NTM: variants seen among roughly 807,000 people sequenced by gnomAD.
NTM encodes IgLON family member 2.
A neutral mutation model predicts 42.1 loss-of-function variants in NTM; 13 were observed. The observed-to-expected ratio is 0.31, with a 90% CI of 0.20 to 0.49. The LOEUF (loss-of-function observed/expected upper bound fraction) is 0.49, where lower values mean the gene tolerates loss of function less well. Among genes scored for constraint, NTM ranks in the 20% least tolerant of loss-of-function variants. The pLI, the probability that NTM is intolerant of heterozygous loss-of-function variation, is 0.99. For missense variants in NTM, 373 were observed against 452.8 expected (o/e 0.82, Z 1.60); for synonymous variants, 187 against 179.2 (o/e 1.04, Z -0.35).
chr11:131,959,203 C>G (rs768117584), intron 2 of NTM, among the ~76,000 whole-genome samples: 1 of 152,132 alleles, frequency 6.6e-6, no homozygotes, highest in Non-Finnish European at 1.5e-5. Flanking sequence ...ATGGGCTGCC[C>G]GCAGATTTGC....
At chr11:131,956,627 A>T (rs2061587219) in intron 2 of NTM, among the ~76,000 whole-genome samples, 1 of 152,020 alleles carries the variant, frequency 6.6e-6, no homozygotes, top group African/African-American at 2.4e-5. Context: ...GAGCTGAGCC[A>T]CAGTGGAGCG....
intron 1 of NTM, among the ~76,000 whole-genome samples, chr11:131,880,985 C>T (rs1193617703): frequency 6.6e-6 from 1 of 152,138 alleles, no homozygotes; most frequent in Non-Finnish European, 1.5e-5. Context: ...CCAGTGGTAA[C>T]CATTACTGCT....
chr11:131,457,697 G>T (rs967222310), intron 1 of NTM, among the ~76,000 whole-genome samples: 1 of 151,866 alleles, frequency 6.6e-6, no homozygotes, highest in Non-Finnish European at 1.5e-5. Flanking sequence ...AATCATATGT[G>T]CAATGCACTA....
intron 4 of NTM, among the ~76,000 whole-genome samples, chr11:132,286,156 C>T (rs1387647532): frequency 6.6e-6 from 1 of 152,076 alleles, no homozygotes; most frequent in African/African-American, 2.4e-5. Context: ...AGAATGCATC[C>T]ATATATTTAA....
intron 2 of NTM, among the ~76,000 whole-genome samples, chr11:132,063,419 C>G (rs1177907993): frequency 1.3e-5 from 2 of 152,042 alleles, no homozygotes; most frequent in Non-Finnish European, 2.9e-5. Context: ...ATGGGAAGGC[C>G]CTGAAAAATC....
intron 1 of NTM, among the ~76,000 whole-genome samples, chr11:131,425,203 T>C (rs943424655): frequency 1.1e-4 from 16 of 152,168 alleles, no homozygotes; most frequent in African/African-American, 3.6e-4. Context: ...TTTAATGTGA[T>C]ATTTGATACC....
chr11:132,143,897 C>A (rs563531117), intron 2 of NTM, among the ~76,000 whole-genome samples: 28 of 152,230 alleles, frequency 1.8e-4, no homozygotes, highest in African/African-American at 5.5e-4. Context: ...GAGAGGTGCA[C>A]CCTCTATCGA....
At chr11:131,753,391 G>T (rs942355302) in intron 1 of NTM, among the ~76,000 whole-genome samples, 7 of 141,994 alleles carry the variant, frequency 4.9e-5, no homozygotes, top group East Asian at 1.9e-4. Flanking sequence ...CCATTACTGG[G>T]TATATAACCA....
intron 1 of NTM, among the ~76,000 whole-genome samples, chr11:131,490,851 C>T (rs1954699847): frequency 6.6e-6 from 1 of 152,166 alleles, no homozygotes; most frequent in African/African-American, 2.4e-5. Flanking sequence ...AGTTGGGATG[C>T]CTTGAGTTTG....
At chr11:131,509,655 G>A (rs1008762082) in intron 1 of NTM, among the ~76,000 whole-genome samples, 1 of 152,172 alleles carries the variant, frequency 6.6e-6, no homozygotes, top group Admixed American at 6.5e-5. Flanking sequence ...AAAAATCTAA[G>A]TGATTTCTTA....
chr11:132,031,865 ATCT>A (rs1750623569), intron 2 of NTM, among the ~76,000 whole-genome samples: 1 of 152,100 alleles, frequency 6.6e-6, no homozygotes, highest in African/African-American at 2.4e-5. Context: ...AAGTCTTTAA[ATCT>A]TCTTGTTCTC....
chr11:131,911,229 G>A (rs1228505818), intron 1 of NTM: 2 of 1,394,200 alleles, frequency 1.4e-6, no homozygotes, highest in Admixed American at 3.0e-5. Flanking sequence ...CGGAAGCAGC[G>A]AGGAGGGAGC....
intron 1 of NTM, among the ~76,000 whole-genome samples, chr11:131,648,554 G>A (rs1316304689): frequency 6.6e-6 from 1 of 152,078 alleles, no homozygotes; most frequent in Admixed American, 6.6e-5. Context: ...GAATGAGATG[G>A]TATCTCATTG....
intron 2 of NTM, among the ~76,000 whole-genome samples, chr11:132,061,320 T>C (rs1265361042): frequency 6.6e-6 from 1 of 152,234 alleles, no homozygotes; most frequent in Non-Finnish European, 1.5e-5. Context: ...CATCTAAATG[T>C]CTTTATCAAC....
Position 131,789,630 on chromosome 11 carries a change from A to G in NTM, c.83-121934A>G, listed in dbSNP as rs866880594. On this transcript the variant is annotated intron_variant, in intron 1 of 8. Transcript: ENST00000683400. ...AAGAAGAAGAAGAAGAAGAAGAAGA[A>G]GAAGAAAAGAAGAAGAAGAAGAAGA... 8.0e-5 allele frequency among the ~76,000 whole-genome samples: 7 copies of G among 86,982 alleles called. 2 individuals carry two copies. The highest frequency in any genetic ancestry group is 3.4e-4 in the African/African-American group (7 of 20,722). 57.1% of individuals were successfully genotyped at this position (86,982 alleles called of 152,430 possible).
chr11:131,679,412 C>T lies in NTM; in HGVS notation c.83-232152C>T, dbSNP rs548615976. Among the ~76,000 whole-genome samples, 12 of 152,184 alleles carry T rather than the reference C, an allele frequency of 7.9e-5. No individual in the cohort carries two copies. The South Asian group carries it at 1.0e-3, about 13-fold the overall frequency. ...TGCCTGCCAATCCCAATCATTTTTACGGCCTTTAGAAGGTACTGGGTTGAG... is the reference window on the plus strand; with the variant it reads ...TGCCTGCCAATCCCAATCATTTTTATGGCCTTTAGAAGGTACTGGGTTGAG... On this transcript the variant is annotated intron_variant, in intron 1 of 8. Transcript: ENST00000683400.
At chr11:132,287,359 G>A (rs556052215) in intron 4 of NTM, among the ~76,000 whole-genome samples, 64 of 152,272 alleles carry the variant, frequency 4.2e-4, no homozygotes, top group African/African-American at 1.4e-3. Context: ...TCAGGACCCG[G>A]ATGTTCTGTC....
rs544034681 is a variant in NTM, at chr11:131,702,811, C to T, written c.83-208753C>T. On this transcript the variant is annotated intron_variant, in intron 1 of 8. Coordinates refer to ENST00000683400, the MANE Select transcript of NTM (RefSeq NM_001352005.2). ...AATTGAAAAATAATACAGGATAGGA[C>T]GAATAGCCCCGACTATTTTGAAACA... Among the ~76,000 whole-genome samples, 7 of 152,218 alleles carry T rather than the reference C, an allele frequency of 4.6e-5. No individual in the cohort carries two copies. The East Asian group carries it at 7.7e-4, about 17-fold the overall frequency.
chr11:132,219,477 C>G (rs1408857011), intron 4 of NTM, among the ~76,000 whole-genome samples: 6 of 151,878 alleles, frequency 4.0e-5, no homozygotes, highest in East Asian at 1.9e-4. Context: ...TTTTCAGTCC[C>G]TTTCTAAAAT....
Sources: gnomAD v4.1 joint callset for allele counts (sites outside exome capture counted in the v4.1 genomes callset) on GRCh38, gnomAD v4.1.1 for gene constraint, MANE v1.5 for transcripts, NCBI Gene and HGNC (gene_info 2026-07-23, HGNC 2026-07-21) for gene names.